Variants in PPP3CA observed in about 807,000 individuals in gnomAD.
PPP3CA encodes the protein protein phosphatase 3 catalytic subunit alpha, also known as CAM-PRP catalytic subunit.
In PPP3CA, 14 loss-of-function variants were observed where a neutral mutation model predicts 66.5. The observed-to-expected ratio is 0.21, with a 90% CI of 0.14 to 0.33. The LOEUF is 0.33. Ranked by LOEUF, PPP3CA falls within the 10% of genes least tolerant of loss-of-function variation. The pLI is 1.00. For synonymous variants in PPP3CA, 232 were observed against 226.2 expected (o/e 1.03, Z -0.23); for missense variants, 317 against 639.5 (o/e 0.50, Z 5.44).
intron 2 of PPP3CA, among the ~76,000 whole-genome samples, chr4:101,130,845 A>G (rs539607890): frequency 1.3e-5 from 2 of 152,306 alleles, no homozygotes; most frequent in East Asian, 3.9e-4. Context: ...AATGGGCAAA[A>G]CATCCAGCTA....
intron 3 of PPP3CA, among the ~76,000 whole-genome samples, chr4:101,107,009 T>G (rs567022777): frequency 2.0e-5 from 3 of 152,328 alleles, no homozygotes; most frequent in South Asian, 2.1e-4. Flanking sequence ...AGTCCTAATG[T>G]GATATAAAGG....
intron 8 of PPP3CA, 73 bp from the exon 9 acceptor site, chr4:101,063,430 A>G: frequency 8.7e-6 from 13 of 1,489,472 alleles, no homozygotes; most frequent in Non-Finnish European, 1.2e-5. Flanking sequence ...TTAGCTCATC[A>G]AGAAAATTCA....
At chr4:101,203,218 C>T (rs1180514898) in intron 1 of PPP3CA, among the ~76,000 whole-genome samples, 1 of 152,056 alleles carries the variant, frequency 6.6e-6, no homozygotes, top group Non-Finnish European at 1.5e-5. Flanking sequence ...ATTCCTCAGC[C>T]GGGTGCGGTG....
intron 1 of PPP3CA, among the ~76,000 whole-genome samples, chr4:101,318,479 T>C (rs940162980): frequency 1.3e-5 from 2 of 152,186 alleles, no homozygotes; most frequent in Admixed American, 6.5e-5. Flanking sequence ...TTCAGCCAAA[T>C]TGATAGGCAT....
intron 2 of PPP3CA, among the ~76,000 whole-genome samples, chr4:101,173,530 A>C (rs1444469944): frequency 6.6e-6 from 1 of 152,140 alleles, no homozygotes; most frequent in Non-Finnish European, 1.5e-5. Context: ...ACTTATTCTT[A>C]TCCACTAGAA....
intron 8 of PPP3CA, among the ~76,000 whole-genome samples, chr4:101,078,140 C>T (rs1294124650): frequency 6.6e-6 from 1 of 152,010 alleles, no homozygotes; most frequent in Non-Finnish European, 1.5e-5. Context: ...AGTAAAAAAT[C>T]TTAATGCCAT....
At chr4:101,345,041 A>G (rs1264574403) in intron 1 of PPP3CA, among the ~76,000 whole-genome samples, 1 of 152,154 alleles carries the variant, frequency 6.6e-6, no homozygotes, top group East Asian at 1.9e-4. Context: ...ATGTGAATGG[A>G]CTGTTTCCAT....
chr4:101,126,977 T>C (rs1293614938), intron 2 of PPP3CA, among the ~76,000 whole-genome samples: 1 of 152,178 alleles, frequency 6.6e-6, no homozygotes, highest in Non-Finnish European at 1.5e-5. Context: ...GTAAGTCTAC[T>C]GCTTACATCT....
intron 1 of PPP3CA, chr4:101,330,492 T>C (rs978113272): frequency 2.9e-5 from 15 of 512,842 alleles, no homozygotes; most frequent in Non-Finnish European, 6.0e-5. Flanking sequence ...ACAACGGTTA[T>C]GTATTTTTTA....
At chr4:101,246,687 T>TAC (rs1369521924) in intron 1 of PPP3CA, among the ~76,000 whole-genome samples, 2 of 152,184 alleles carry the variant, frequency 1.3e-5, no homozygotes, top group African/African-American at 2.4e-5. Flanking sequence ...GTTTTACACA[T>TAC]ACACACACAG....
intron 3 of PPP3CA, among the ~76,000 whole-genome samples, chr4:101,105,104 T>TA (rs1332080780): frequency 1.3e-5 from 2 of 151,814 alleles, no homozygotes; most frequent in Non-Finnish European, 2.9e-5. Flanking sequence ...TTGTAGACTT[T>TA]AAAAAAATCT....
chr4:101,278,980 T>C (rs1727598584), intron 1 of PPP3CA, among the ~76,000 whole-genome samples: 1 of 152,144 alleles, frequency 6.6e-6, no homozygotes, highest in Non-Finnish European at 1.5e-5. Flanking sequence ...CCGATCAATT[T>C]CCCAATAAAG....
At chr4:101,213,089 G>A (rs1260001206) in intron 1 of PPP3CA, among the ~76,000 whole-genome samples, 2 of 152,148 alleles carry the variant, frequency 1.3e-5, no homozygotes, top group East Asian at 3.9e-4. Flanking sequence ...GACAAATTGA[G>A]TTAGTTCATG....
At chr4:101,274,805 A>T (rs1320776900) in intron 1 of PPP3CA, among the ~76,000 whole-genome samples, 1 of 152,142 alleles carries the variant, frequency 6.6e-6, no homozygotes, top group African/African-American at 2.4e-5. Context: ...GTTTAATTTC[A>T]TAAATACCAA....
intron 2 of PPP3CA, among the ~76,000 whole-genome samples, chr4:101,172,321 G>A (rs1723911158): frequency 6.6e-6 from 1 of 151,998 alleles, no homozygotes; most frequent in South Asian, 2.1e-4. Flanking sequence ...AACATTACTG[G>A]CTTCAGCTAT....
intron 1 of PPP3CA, among the ~76,000 whole-genome samples, chr4:101,329,710 C>A (rs1729318903): frequency 1.3e-5 from 2 of 152,186 alleles, no homozygotes; most frequent in East Asian, 3.9e-4. Flanking sequence ...TTCTGAAAAT[C>A]CTAAAGCCCT....
chr4:101,058,975 G>A (rs567508519), intron 10 of PPP3CA, among the ~76,000 whole-genome samples: 1 of 152,214 alleles, frequency 6.6e-6, no homozygotes, highest in South Asian at 2.1e-4. Context: ...ATACTGGCCA[G>A]TGGACTTTGC....
rs879203186 is a variant in PPP3CA, at chr4:101,297,864, C to A, written c.58+48875G>T. On this transcript the variant is annotated intron_variant, in intron 1 of 13. Coordinates refer to ENST00000394854, the MANE Select transcript of PPP3CA (RefSeq NM_000944.5). ...ACAACTGTTTGATTGGGTTTTCATG[C>A]CTTATAATGTTTTCTTATTGTTTCT... 8.5e-5 allele frequency among the ~76,000 whole-genome samples: 13 copies of A among 152,068 alleles called. 1 individual carries two copies. Among genetic ancestry groups the A allele is most frequent in the Admixed American group, 8.5e-4 (13 of 15,270 alleles).
intron 2 of PPP3CA, among the ~76,000 whole-genome samples, chr4:101,109,295 T>C (rs551608355): frequency 8.3e-6 from 1 of 119,812 alleles, no homozygotes; most frequent in Non-Finnish European, 1.6e-5. Flanking sequence ...AGTCCACTAG[T>C]ATACAGATTA....
Sources: gnomAD v4.1 joint callset for allele counts (sites outside exome capture counted in the v4.1 genomes callset) on GRCh38, gnomAD v4.1.1 for gene constraint, MANE v1.5 for transcripts, NCBI Gene and HGNC (gene_info 2026-07-23, HGNC 2026-07-21) for gene names.